Variants in DSCC1 observed in about 807,000 individuals in gnomAD.
DSCC1 encodes sister chromatid cohesion protein DCC1.
DSCC1 carries 32 observed loss-of-function variants against 48.2 expected under a neutral mutation model. The observed-to-expected ratio is 0.66, with a 90% CI of 0.50 to 0.89. The LOEUF is 0.89. Among genes scored for constraint, DSCC1 ranks in the 40% least tolerant of loss-of-function variants. The pLI is 0.00. For synonymous variants in DSCC1, 150 were observed against 171.5 expected, an observed-to-expected ratio of 0.87 and a Z score of 0.98; for missense variants, 421 against 471.7, an observed-to-expected ratio of 0.89 and a Z score of 1.00.
chr8:119,836,599 T>A (rs1291762165), intron 8 of DSCC1, among the ~76,000 whole-genome samples: 2 of 152,016 alleles, frequency 1.3e-5, no homozygotes, highest in Non-Finnish European at 2.9e-5. Flanking sequence ...GTGTTAAGGA[T>A]GAGGGAGAAG....
chr8:119,841,742 C>T, intron 7 of DSCC1, 52 bp downstream of exon 7: 1 of 1,586,360 alleles, frequency 6.3e-7, no homozygotes, highest in Non-Finnish European at 8.6e-7. Context: ...GTATCATTCA[C>T]CTAGTAATTA....
rs760100647 is a variant in DSCC1, at chr8:119,834,894, T to C, written c.1181A>G (p.Ter394=). 6.3e-7 allele frequency: 1 copy of C among 1,584,090 alleles called. No individual in the cohort carries two copies. The highest frequency in any genetic ancestry group is 8.6e-7 in the Non-Finnish European group (1 of 1,157,276). Residue 394 remains the stop codon, a stop_retained_variant, in exon 9 of 9, where the codon TAA becomes TGA. Transcript: ENST00000313655. Reference sequence around the variant, plus strand: ...CCTGAAGAAAAGACCGTTGTTCTTTTAAGAAATGGGTCTTCTCGAATTATA... The same window carrying C: ...CCTGAAGAAAAGACCGTTGTTCTTTCAAGAAATGGGTCTTCTCGAATTATA... ...KVYNSRRPIS[*]
Position 119,855,595 on chromosome 8 carries a change from C to T in DSCC1, c.182+19G>A. 6.5e-7 allele frequency: 1 copy of T among 1,531,696 alleles called. No homozygotes were observed. Among genetic ancestry groups the T allele is most frequent in the Non-Finnish European group, 8.8e-7 (1 of 1,141,446 alleles). 94.9% of individuals were successfully genotyped at this position (1,531,696 alleles called of 1,614,324 possible). ...CGTGGCCGGCCAGAGGCTGGGGGCGCCGCGTGACCAGGGCTCACCTGTGTC... is the reference window on the plus strand; with the variant it reads ...CGTGGCCGGCCAGAGGCTGGGGGCGTCGCGTGACCAGGGCTCACCTGTGTC... On this transcript the variant is annotated intron_variant, in intron 1 of 8. Coordinates refer to ENST00000313655, the MANE Select transcript of DSCC1 (RefSeq NM_024094.3).
intron 8 of DSCC1, among the ~76,000 whole-genome samples, chr8:119,835,645 A>G (rs1167083608): frequency 6.6e-6 from 1 of 152,218 alleles, no homozygotes; most frequent in Non-Finnish European, 1.5e-5. Context: ...GTACAACTTC[A>G]AAGTCTATGC....
chr8:119,855,615 T>A lies in DSCC1; in HGVS notation c.181A>T (p.Ser61Cys). ...TLCQQLEDGH[S>C]LVIRGDKDEQ... The stretch of plus-strand genomic sequence containing the variant: ...GGGCGCCGCGTGACCAGGGCTCACC[T>A]GTGTCCATCCTCCAGCTGCTGGCAC... Residue 61 changes from serine to cysteine, a missense_variant and splice_region_variant, in exon 1 of 9, where the codon AGT becomes TGT. By Grantham distance (112) the Ser-to-Cys change is moderately radical. This residue lies in a region of DSCC1 where 174 missense variants were observed against 184.5 expected (regional missense o/e 0.94). Transcript: ENST00000313655. 4 of 1,544,236 alleles carry A rather than the reference T, an allele frequency of 2.6e-6. No homozygotes were observed. Among genetic ancestry groups the A allele is most frequent in the Non-Finnish European group, 3.5e-6 (4 of 1,145,868 alleles).
intron 4 of DSCC1, among the ~76,000 whole-genome samples, chr8:119,844,326 C>T (rs1290532994): frequency 6.6e-6 from 1 of 151,348 alleles, no homozygotes; most frequent in Admixed American, 6.6e-5. Context: ...GTAATCCCAG[C>T]TGCTCAGGAG....
chr8:119,844,310 A>G (rs1826818757), intron 4 of DSCC1, among the ~76,000 whole-genome samples: 1 of 151,852 alleles, frequency 6.6e-6, no homozygotes, highest in Non-Finnish European at 1.5e-5. Flanking sequence ...GTGGTGGTGC[A>G]CATCTGTAAT....
At chr8:119,846,364 G>A (rs1228683568) in intron 4 of DSCC1, among the ~76,000 whole-genome samples, 6 of 151,908 alleles carry the variant, frequency 3.9e-5, no homozygotes, top group African/African-American at 7.3e-5. Flanking sequence ...GGCCAGCCTC[G>A]GCCTCCCAAA....
intron 2 of DSCC1, 96 bp downstream of exon 2, chr8:119,852,951 T>C (rs1826962209): frequency 1.8e-6 from 2 of 1,139,348 alleles, no homozygotes; most frequent in Non-Finnish European, 2.4e-6. Context: ...TCTCCCTGAT[T>C]ATAGATTTTA....
At position 119,850,299 on chromosome 8, in the gene DSCC1, T is replaced by C. The variant is rs529284334; in HGVS notation, c.486+83A>G. Reference sequence around the variant, plus strand: ...ATTTATAACAGCTATATAACATAAATTTTAAAAAGTAAGAATGTGACTATT... The same window carrying C: ...ATTTATAACAGCTATATAACATAAACTTTAAAAAGTAAGAATGTGACTATT... On this transcript the variant is annotated intron_variant, in intron 3 of 8. Coordinates refer to ENST00000313655, the MANE Select transcript of DSCC1 (RefSeq NM_024094.3). The C allele has an allele frequency of 9.4e-6, 13 of 1,389,350 alleles. No homozygotes were observed. In the Admixed American group the frequency reaches 1.4e-4, roughly 15 times the overall value. 86.1% of individuals were successfully genotyped at this position (1,389,350 alleles called of 1,614,324 possible).
At chr8:119,837,333 A>T (rs545185795) in intron 8 of DSCC1, among the ~76,000 whole-genome samples, 2 of 152,206 alleles carry the variant, frequency 1.3e-5, no homozygotes, top group African/African-American at 4.8e-5. Context: ...CAATTCATAC[A>T]CTACACAGGA....
chr8:119,844,713 C>G (rs926570837), intron 4 of DSCC1, among the ~76,000 whole-genome samples: 15 of 152,038 alleles, frequency 9.9e-5, no homozygotes, highest in Admixed American at 2.0e-4. Context: ...ATGGCACCCC[C>G]TCTCTCCAGT....
At chr8:119,840,749 T>C (rs1826755461) in intron 7 of DSCC1, among the ~76,000 whole-genome samples, 1 of 151,680 alleles carries the variant, frequency 6.6e-6, no homozygotes, top group Non-Finnish European at 1.5e-5. Flanking sequence ...CCGTCTCTAC[T>C]AAGCATACAA....
Position 119,834,964 on chromosome 8 carries a change from G to C in DSCC1, c.1111C>G (p.Leu371Val). The change falls in exon 9 of 9, where the codon CTC becomes GTC. Residue 371 changes from leucine (L) to valine (V), a missense_variant. By Grantham distance (32) the Leu-to-Val change is conservative. Coordinates refer to ENST00000313655, the MANE Select transcript of DSCC1 (RefSeq NM_024094.3). ...CGEKQTIGAL[L>V]TKYSHSSMQN... ...ATCGAAGAATGAGAATATTTAGTGA[G>C]TAATGCACCTATGGTTTGCTTCTCT... is the stretch of plus-strand genomic sequence containing the variant. 1 of 1,609,382 alleles carries C rather than the reference G, an allele frequency of 6.2e-7. No homozygotes were observed. Among genetic ancestry groups the C allele is most frequent in the Non-Finnish European group, 8.5e-7 (1 of 1,177,596 alleles).
chr8:119,844,575 G>A (rs1468988248), intron 4 of DSCC1, among the ~76,000 whole-genome samples: 1 of 150,686 alleles, frequency 6.6e-6, no homozygotes, highest in Non-Finnish European at 1.5e-5. Flanking sequence ...CTTTTCTCAA[G>A]TGCTTTCTTT....
chr8:119,838,229 C>T, intron 8 of DSCC1, 30 bp downstream of exon 8: 1 of 1,513,254 alleles, frequency 6.6e-7, no homozygotes, highest in Non-Finnish European at 8.8e-7. Flanking sequence ...AAGAACGACC[C>T]TCAAAATCCG....
intron 8 of DSCC1, among the ~76,000 whole-genome samples, chr8:119,835,373 G>C (rs917685843): frequency 6.6e-6 from 1 of 152,062 alleles, no homozygotes; most frequent in African/African-American, 2.4e-5. Flanking sequence ...CGGGTGTGGT[G>C]GTGGGCACCT....
Position 119,834,917 on chromosome 8 carries a change from A to G in DSCC1, c.1158T>C (p.Tyr386=). ...TTTAAGAAATGGGTCTTCTCGAATTATAAACTTTAACACCATTTTGCATCG... is the reference window on the plus strand; with the variant it reads ...TTTAAGAAATGGGTCTTCTCGAATTGTAAACTTTAACACCATTTTGCATCG... ...HSSMQNGVKV[Y]NSRRPIS Residue 386 remains tyrosine, a synonymous_variant, in exon 9 of 9, where the codon TAT becomes TAC. Transcript: ENST00000313655. 1 of 1,608,050 alleles carries G rather than the reference A, an allele frequency of 6.2e-7. No individual in the cohort carries two copies. The highest frequency in any genetic ancestry group is 8.5e-7 in the Non-Finnish European group (1 of 1,176,078).
chr8:119,847,259 A>ATTT (rs1341410897), intron 3 of DSCC1, among the ~76,000 whole-genome samples, 179 bp from the exon 4 acceptor site: 1 of 152,242 alleles, frequency 6.6e-6, no homozygotes, highest in East Asian at 1.9e-4. Context: ...TTAGAAAACA[A>ATTT]ATAGAGGTAA....
Sources: allele counts gnomAD v4.1 joint callset (sites outside exome capture counted in the v4.1 genomes callset), GRCh38; gene constraint gnomAD v4.1.1; regional missense constraint gnomAD v4.1.1; transcripts MANE v1.5; gene names NCBI Gene and HGNC (gene_info 2026-07-23, HGNC 2026-07-21).